DEAF1: variants seen among roughly 807,000 people sequenced by gnomAD.
DEAF1 encodes the protein deformed epidermal autoregulatory factor 1 homolog.
A neutral mutation model predicts 58.9 loss-of-function variants in DEAF1; 53 were observed. The observed-to-expected ratio is 0.90, with a 90% CI of 0.72 to 1.13. The LOEUF (loss-of-function observed/expected upper bound fraction) is 1.13. Ranked by LOEUF, DEAF1 falls within the 50% of genes most tolerant of loss-of-function variation. The pLI, the probability that DEAF1 is intolerant of heterozygous loss-of-function variation, is 0.00. For missense variants in DEAF1, 685 were observed against 791.4 expected (o/e 0.87, Z 1.61); for synonymous variants, 385 against 340.4 (o/e 1.13, Z -1.44).
Position 680,971 on chromosome 11 carries a change from G to C in DEAF1, c.989C>G (p.Ala330Gly), listed in dbSNP as rs1192373708. The change falls in exon 7 of 12, where the codon GCT (alanine) becomes GGT (glycine). Residue 330 changes from alanine (A) to glycine (G), a missense_variant. Around this residue, in one of 3 missense-constraint regions of DEAF1, gnomAD observed 343 missense variants for 379.8 expected, o/e 0.90. Coordinates refer to ENST00000382409, the MANE Select transcript of DEAF1 (RefSeq NM_021008.4). The part of the protein sequence containing the change: ...KNITLLPATA[A>G]TTFTVTPSGQ... ...TGTTTTCTCAAACTCACAGGTGGTA[G>C]CCGCGGTGGCTGGAAGCAATGTGAT... The C allele has an allele frequency of 6.2e-7, 1 of 1,614,176 alleles. No homozygotes were observed. The highest frequency in any genetic ancestry group is 8.5e-7 in the Non-Finnish European group (1 of 1,180,028).
rs890444265 is a variant in DEAF1, at chr11:644,991, C to T, written c.1594-337G>A. On this transcript the variant is annotated intron_variant, in intron 11 of 11. Transcript: ENST00000382409. This position sits in a 1 kb window ranked among gnomAD's most constrained non-coding sequence, Gnocchi z 4.3. ...CAGCCTGGCCAACATGGTGAAACCCCGTATCTACTAAAAATACAAAAATTA... is the reference window on the plus strand; with the variant it reads ...CAGCCTGGCCAACATGGTGAAACCCTGTATCTACTAAAAATACAAAAATTA... Among the ~76,000 whole-genome samples the T allele has an allele frequency of 3.9e-5, 6 of 152,058 alleles. No individual in the cohort carries two copies. The highest frequency in any genetic ancestry group is 2.1e-4 in the South Asian group (1 of 4,814).
At chr11:666,885 A>AAAAAAAAAAAAAAAAAAAAAAAAAAAAAT in intron 10 of DEAF1, among the ~76,000 whole-genome samples, 1 of 151,314 alleles carries the variant, frequency 6.6e-6, no homozygotes, top group Non-Finnish European at 1.5e-5. Context: ...AAAAAAAAAA[A>AAAAAAAAAAAAAAAAAAAAAAAAAAAAAT]AAAAAAAAAA....
intron 1 of DEAF1, chr11:703,612 T>A: frequency 8.1e-7 from 1 of 1,232,848 alleles, no homozygotes; most frequent in Non-Finnish European, 1.0e-6. Context: ...AGGCCCCACC[T>A]GTGTTTCCAA....
At chr11:695,818 G>A, upstream of DEAF1, 1 of 1,232,090 alleles carries the variant, frequency 8.1e-7, no homozygotes, top group Non-Finnish European at 1.0e-6. Flanking sequence ...CGGCGGGCGG[G>A]GCGGGTAAGA....
intron 7 of DEAF1, chr11:680,183 C>CGTGTCCCACAGCAAGGCTGCCCT (rs529401104): frequency 1.5e-5 from 5 of 328,874 alleles, no homozygotes; most frequent in South Asian, 2.6e-5. Flanking sequence ...AAAAAGCAGC[C>CGTGTCCCACAGCAAGGCTGCCCT]GTGTCCCACA....
At chr11:674,163 G>A (rs1859953089) in intron 10 of DEAF1, 2 of 323,612 alleles carry the variant, frequency 6.2e-6, no homozygotes, top group Non-Finnish European at 1.2e-5. Flanking sequence ...GCCAGTCGCT[G>A]ATACTCAGAG....
intron 10 of DEAF1, among the ~76,000 whole-genome samples, chr11:664,463 G>C (rs1297215973): frequency 7.8e-5 from 11 of 141,284 alleles, no homozygotes; most frequent in African/African-American, 2.9e-4. Flanking sequence ...CGGTCACTCT[G>C]AGTCCTGGCT....
intron 6 of DEAF1, among the ~76,000 whole-genome samples, chr11:684,257 A>C (rs1240260879): frequency 6.6e-6 from 1 of 152,062 alleles, no homozygotes; most frequent in Non-Finnish European, 1.5e-5. Context: ...ATCTCTACTA[A>C]AAATACAAAA....
chr11:699,033 G>A, upstream of DEAF1: 1 of 941,946 alleles, frequency 1.1e-6, no homozygotes, highest in Admixed American at 1.8e-5. Context: ...GACAGATTTA[G>A]AGAGTTGATG....
intron 10 of DEAF1, among the ~76,000 whole-genome samples, chr11:672,568 C>T (rs1044150936): frequency 8.5e-5 from 13 of 152,088 alleles, no homozygotes; most frequent in African/African-American, 3.1e-4. Context: ...ATAAATAGGC[C>T]GGGCAAGGTG....
At chr11:679,594 C>T in intron 8 of DEAF1, 94 bp downstream of exon 8, 1 of 1,582,500 alleles carries the variant, frequency 6.3e-7, no homozygotes, top group Non-Finnish European at 8.6e-7. Flanking sequence ...TCGAGGCACC[C>T]AGCAGCCTAT....
At chr11:686,310 C>A (rs867825925) in intron 5 of DEAF1, among the ~76,000 whole-genome samples, 1,583 of 124,548 alleles carry the variant, frequency 0.013, 29 homozygotes, top group African/African-American at 0.04. Context: ...AAAAAAAAAA[C>A]CACAAAAACA....
chr11:646,019 G>A (rs1050548657), intron 11 of DEAF1, among the ~76,000 whole-genome samples: 8 of 152,018 alleles, frequency 5.3e-5, no homozygotes, highest in African/African-American at 1.7e-4. Flanking sequence ...TTGGGAGGCC[G>A]AGGTGGGCAG....
At chr11:704,169 T>G in intron 1 of DEAF1, 1 of 1,086,488 alleles carries the variant, frequency 9.2e-7, no homozygotes, top group East Asian at 7.0e-5. Context: ...CCATCTCCAG[T>G]TCTCCTGCCC....
chr11:682,571 T>C (rs1319115600), intron 6 of DEAF1, among the ~76,000 whole-genome samples: 1 of 152,206 alleles, frequency 6.6e-6, no homozygotes, highest in East Asian at 1.9e-4. Flanking sequence ...GGCCTCTCTC[T>C]CTTTTGGGCT....
At chr11:697,012 T>TGGGGGG (rs1861212589), upstream of DEAF1, among the ~76,000 whole-genome samples, 1 of 95,558 alleles carries the variant, frequency 1.0e-5, no homozygotes, top group Admixed American at 1.4e-4. Context: ...CCGGTGGTGG[T>TGGGGGG]GGTGGGGGGG....
Position 694,797 on chromosome 11 carries a change from G to C in DEAF1, c.251C>G (p.Pro84Arg), listed in dbSNP as rs763981738. 3.8e-5 allele frequency: 53 copies of C among 1,395,126 alleles called. No homozygotes were observed. The Middle Eastern group carries it at 7.7e-4, about 20-fold the overall frequency. 86.4% of individuals were successfully genotyped at this position (1,395,126 alleles called of 1,614,324 possible). A position where few individuals can be genotyped will look rare whatever the true frequency, so the allele number is the denominator to read the frequency against. ...GHMDMGAEALPGPDEAAAAAA... is the reference protein window; with the variant it reads ...GHMDMGAEALRGPDEAAAAAA... ...GGCAGCGGCGGCCTCGTCGGGGCCGGGCAGGGCCTCGGCGCCCATGTCCAT... is the reference window on the plus strand; with the variant it reads ...GGCAGCGGCGGCCTCGTCGGGGCCGCGCAGGGCCTCGGCGCCCATGTCCAT... Residue 84 changes from proline (P) to arginine (R), a missense_variant, in exon 1 of 12, where the codon CCC (proline) becomes CGC (arginine). By Grantham distance (103) the Pro-to-Arg change is moderately radical. Transcript: ENST00000382409.
rs1206512447 is a variant in DEAF1 at position 674,528 on chromosome 11, A to T, written c.1503+8T>A. 1 of 1,613,848 alleles carries T rather than the reference A, an allele frequency of 6.2e-7. No homozygotes were observed. The highest frequency in any genetic ancestry group is 1.1e-5 in the South Asian group (1 of 91,032). On this transcript the variant is annotated splice_region_variant and intron_variant, in intron 10 of 11. Coordinates refer to ENST00000382409, the MANE Select transcript of DEAF1 (RefSeq NM_021008.4). ...CAGGTCGTGTCTTCCCATTTGTTCCAAGGTTACCTCCTTCCGCTCTGCGTC... is the reference window on the plus strand; with the variant it reads ...CAGGTCGTGTCTTCCCATTTGTTCCTAGGTTACCTCCTTCCGCTCTGCGTC...
intron 10 of DEAF1, among the ~76,000 whole-genome samples, chr11:658,460 C>T (rs531264970): frequency 1.3e-5 from 2 of 152,308 alleles, no homozygotes; most frequent in South Asian, 2.1e-4. Flanking sequence ...TTCATTACTG[C>T]GGAAGAGGTG....
Sources: allele counts gnomAD v4.1 joint callset (sites outside exome capture counted in the v4.1 genomes callset), GRCh38; gene constraint gnomAD v4.1.1; regional missense constraint gnomAD v4.1.1; non-coding constraint Gnocchi (gnomAD v3.1); transcripts MANE v1.5; gene names NCBI Gene and HGNC (gene_info 2026-07-23, HGNC 2026-07-21).